ACSL1: variants seen among roughly 807,000 people sequenced by gnomAD.
ACSL1 encodes acyl-CoA synthetase long chain family member 1.
A neutral mutation model predicts 98.4 loss-of-function variants in ACSL1; 41 were observed. The ratio of observed to expected loss-of-function variants is 0.42; its 90% CI spans 0.32 to 0.54. ACSL1 has a LOEUF of 0.54. ACSL1 is among the 20% of genes least tolerant of loss of function. The pLI, the probability that ACSL1 is intolerant of heterozygous loss-of-function variation, is 0.13. For missense variants in ACSL1, 734 were observed against 883.1 expected (o/e 0.83, Z 2.14); for synonymous variants, 316 against 322.7 (o/e 0.98, Z 0.22).
Position 184,788,708 on chromosome 4 carries a change from G to A in ACSL1, c.219C>T (p.Ser73=), listed in dbSNP as rs139053741. Residue 73 remains serine, a synonymous_variant, in exon 3 of 21, where the codon TCC becomes TCT. Transcript: ENST00000281455. ...EVAGSGGARR[S]ALLDSDEPLV... is the part of the protein sequence containing the mutation. ...AGGGCTCGTCGCTGTCAAGTAGTGCGGATCTTCGTGCACCACCACTACCCT... is the reference window on the plus strand; with the variant it reads ...AGGGCTCGTCGCTGTCAAGTAGTGCAGATCTTCGTGCACCACCACTACCCT... The A allele has an allele frequency of 1.6e-4, 253 of 1,614,088 alleles. No individual in the cohort carries two copies. The highest frequency in any genetic ancestry group is 1.4e-3 in the South Asian group (126 of 91,084).
intron 1 of ACSL1, chr4:184,813,774 A>T (rs1223919704): frequency 4.4e-6 from 2 of 450,954 alleles, no homozygotes; most frequent in African/African-American, 4.0e-5. Flanking sequence ...AGAGAGCACA[A>T]CTGAACAGCA....
rs72695644 is a variant in ACSL1 at position 184,788,737 on chromosome 4, A to C, written c.196-6T>G. ...CTTCGTGCACCACCACTACCCTATC[A>C]AAAAAGAAAGGGGGGCAGGTTAGAA... On this transcript the variant is annotated splice_polypyrimidine_tract_variant and splice_region_variant and intron_variant, in intron 2 of 20. Transcript: ENST00000281455. The C allele has an allele frequency of 9.3e-6, 15 of 1,612,794 alleles. No homozygotes were observed. Among genetic ancestry groups the C allele is most frequent in the Non-Finnish European group, 1.3e-5 (15 of 1,179,018 alleles).
At chr4:184,821,185 T>C in intron 1 of ACSL1, 1 of 446,850 alleles carries the variant, frequency 2.2e-6, no homozygotes, top group South Asian at 1.6e-5. Flanking sequence ...AGGCTGTGGC[T>C]ACCACCTCGG....
Position 184,796,134 on chromosome 4 carries a change from G to C in ACSL1, c.195+7186C>G, listed in dbSNP as rs193066365. On this transcript the variant is annotated intron_variant, in intron 2 of 20. Coordinates refer to ENST00000281455, the MANE Select transcript of ACSL1 (RefSeq NM_001995.5). ...GCTGCCAGCATGGCCAAAATTAAAA[G>C]CAGGCAGAGGAATTTGAAAAGACTA... is the stretch of plus-strand genomic sequence containing the variant. Among the ~76,000 whole-genome samples the C allele has an allele frequency of 2.3e-3, 352 of 152,286 alleles. 1 individual carries two copies. The highest frequency in any genetic ancestry group is 6.4e-3 in the South Asian group (31 of 4,824).
intron 12 of ACSL1, among the ~76,000 whole-genome samples, chr4:184,767,283 CAAAAAA>C (rs59005386): frequency 1.0e-5 from 1 of 95,598 alleles, no homozygotes. Flanking sequence ...GACCCTGTCT[CAAAAAA>C]AAAAAAAAAA....
chr4:184,801,307 G>A (rs1770475084), intron 2 of ACSL1, among the ~76,000 whole-genome samples: 1 of 152,210 alleles, frequency 6.6e-6, no homozygotes, highest in African/African-American at 2.4e-5. Flanking sequence ...TCTCATTTTA[G>A]TATCCGTGTA....
intron 12 of ACSL1, among the ~76,000 whole-genome samples, chr4:184,767,283 CAAA>C (rs59005386): frequency 1.7e-4 from 16 of 95,548 alleles, no homozygotes; most frequent in Admixed American, 2.3e-4. Context: ...GACCCTGTCT[CAAA>C]AAAAAAAAAA....
intron 6 of ACSL1, 79 bp downstream of exon 6, chr4:184,776,805 A>G: frequency 1.3e-6 from 2 of 1,537,428 alleles, no homozygotes; most frequent in Non-Finnish European, 1.8e-6. Flanking sequence ...TCTTTGTCAA[A>G]TCAAATGTAA....
At position 184,766,634 on chromosome 4, in the gene ACSL1, G is replaced by C. The variant is rs751263695; in HGVS notation, c.1251C>G (p.Phe417Leu). ...AGTCACGTGTTACCTGTACTTTGTG[G>C]AAGATCAGCCGGTCCCACAGGCTGT... ...RNNSLWDRLI[F>L]HKVQSSLGGR... Residue 417 changes from phenylalanine to leucine, a missense_variant, in exon 13 of 21, where the codon TTC (phenylalanine) becomes TTG (leucine). Coordinates refer to ENST00000281455, the MANE Select transcript of ACSL1 (RefSeq NM_001995.5). This position sits in a 1 kb window ranked among gnomAD's most constrained non-coding sequence, Gnocchi z 4.8. 12 of 1,613,926 alleles carry C rather than the reference G, an allele frequency of 7.4e-6. No homozygotes were observed. Among genetic ancestry groups the C allele is most frequent in the Non-Finnish European group, 9.3e-6 (11 of 1,179,966 alleles).
chr4:184,780,245 C>T, intron 5 of ACSL1, 87 bp downstream of exon 5: 3 of 1,113,542 alleles, frequency 2.7e-6, no homozygotes, highest in South Asian at 1.3e-5. Flanking sequence ...AGAAATCAGA[C>T]TACAAAATCT....
intron 1 of ACSL1, among the ~76,000 whole-genome samples, chr4:184,815,803 A>G (rs1244744474): frequency 6.6e-6 from 1 of 152,046 alleles, no homozygotes; most frequent in Non-Finnish European, 1.5e-5. Context: ...ACAGATTTCA[A>G]CAGGTACCTG....
chr4:184,760,506 G>T lies in ACSL1; in HGVS notation c.1639-6C>A. On this transcript the variant is annotated splice_region_variant and splice_polypyrimidine_tract_variant and intron_variant, in intron 17 of 20. Coordinates refer to ENST00000281455, the MANE Select transcript of ACSL1 (RefSeq NM_001995.5). ...ATAATTTTCAAGGTGCCATTCTGTT[G>T]ATCAGAGGGGAGGGGGTTATGAATG... 1 of 1,613,968 alleles carries T rather than the reference G, an allele frequency of 6.2e-7. No homozygotes were observed. Among genetic ancestry groups the T allele is most frequent in the South Asian group, 1.1e-5 (1 of 91,036 alleles).
intron 1 of ACSL1, among the ~76,000 whole-genome samples, chr4:184,815,697 C>G (rs1368679476): frequency 1.3e-5 from 2 of 152,104 alleles, no homozygotes; most frequent in African/African-American, 4.8e-5. Flanking sequence ...TAGCAGGACA[C>G]GGGTGAGAAG....
intron 1 of ACSL1, chr4:184,805,592 G>A: frequency 1.1e-6 from 1 of 890,884 alleles, no homozygotes; most frequent in Non-Finnish European, 1.3e-6. Context: ...AGGGCAATGA[G>A]CCTGGAAGTG....
At chr4:184,781,722 G>A (rs1279705974) in intron 4 of ACSL1, among the ~76,000 whole-genome samples, 1 of 151,874 alleles carries the variant, frequency 6.6e-6, no homozygotes. Context: ...AATTCTCCCT[G>A]CCTCAGCCTC....
rs1397808545 is a variant in ACSL1 at position 184,780,385 on chromosome 4, A to T, written c.424T>A (p.Phe142Ile). 6.2e-7 allele frequency: 1 copy of T among 1,613,708 alleles called. No individual in the cohort carries two copies. Among genetic ancestry groups the T allele is most frequent in the African/African-American group, 1.3e-5 (1 of 74,934 alleles). ...CIGSALIQKGFKTAPDQFIGI... is the reference protein window; with the variant it reads ...CIGSALIQKGIKTAPDQFIGI... ...ATGAACTGATCTGGGGCAGTCTTGA[A>T]GCCCTTCTGGATCAGTGCTGAGCCT... The change falls in exon 5 of 21, where the codon TTC becomes ATC. Residue 142 changes from phenylalanine to isoleucine, a missense_variant. Coordinates refer to ENST00000281455, the MANE Select transcript of ACSL1 (RefSeq NM_001995.5).
chr4:184,804,916 C>G (rs988168776), intron 1 of ACSL1, among the ~76,000 whole-genome samples: 1 of 152,072 alleles, frequency 6.6e-6, no homozygotes, highest in Non-Finnish European at 1.5e-5. Flanking sequence ...AGTGTTCAGA[C>G]AAAATTAAGA....
intron 17 of ACSL1, 80 bp downstream of exon 17, chr4:184,762,327 G>A (rs1762972976): frequency 2.5e-6 from 3 of 1,220,502 alleles, no homozygotes; most frequent in Non-Finnish European, 3.6e-6. Context: ...ACTGCCACAT[G>A]GCAGCTGCAC....
chr4:184,803,822 A>G lies in ACSL1; in HGVS notation c.-32-276T>C, dbSNP rs373885377. Among the ~76,000 whole-genome samples the G allele has an allele frequency of 2.0e-5, 3 of 151,800 alleles. No individual in the cohort carries two copies. The highest frequency in any genetic ancestry group is 6.6e-5 in the Admixed American group (1 of 15,266). Reference sequence around the variant, plus strand: ...AACCATATTAAAAAGATTTTACTCAAGAAGAATTCTTCCCATAAAAACTCA... The same window carrying G: ...AACCATATTAAAAAGATTTTACTCAGGAAGAATTCTTCCCATAAAAACTCA... On this transcript the variant is annotated intron_variant, in intron 1 of 20. Coordinates refer to ENST00000281455, the MANE Select transcript of ACSL1 (RefSeq NM_001995.5). This position sits in a 1 kb window ranked among gnomAD's most constrained non-coding sequence, Gnocchi z 4.8.
Sources: allele counts gnomAD v4.1 joint callset (sites outside exome capture counted in the v4.1 genomes callset), GRCh38; gene constraint gnomAD v4.1.1; non-coding constraint Gnocchi (gnomAD v3.1); transcripts MANE v1.5; gene names NCBI Gene and HGNC (gene_info 2026-07-23, HGNC 2026-07-21).